The following NEAT1 variants were observed in gnomAD, a reference collection of about 807,000 sequenced individuals.
NEAT1 encodes MENepsilon/beta.
At chr11:65,425,828 G>A (rs1477849458) in exon 1 of NEAT1, 9 of 152,036 alleles carry the variant, frequency 5.9e-5, no homozygotes, top group Non-Finnish European at 1.0e-4. Context: ...TCAAATTGTA[G>A]TCTTTGTAAC....
chr11:65,433,104 C>T (rs1472518372), exon 1 of NEAT1: 1 of 151,770 alleles, frequency 6.6e-6, no homozygotes, highest in African/African-American at 2.4e-5. Flanking sequence ...TATCCACTCA[C>T]TGGTTGATGG....
Position 65,428,848 on chromosome 11 carries a change from TTACTG to T in NEAT1, n.6054_6058del, listed in dbSNP as rs1355131734. On this transcript the variant is annotated non_coding_transcript_exon_variant, in exon 1 of 1. Transcript: ENST00000501122. ...GTTCTAATATGTAAAAAAAAAAAGT[TTACTG>T]TAAAGTTTGCAAATAAGGAAATTTT... 1.0e-3 allele frequency: 157 copies of T among 152,250 alleles called. 1 individual carries two copies. The highest frequency in any genetic ancestry group is 3.6e-3 in the African/African-American group (149 of 41,550). 9.4% of individuals were successfully genotyped at this position (152,250 alleles called of 1,614,324 possible).
exon 1 of NEAT1, chr11:65,437,799 C>G (rs1369943857): frequency 6.6e-6 from 1 of 152,134 alleles, no homozygotes; most frequent in Non-Finnish European, 1.5e-5. Flanking sequence ...TACCCCATCA[C>G]AGAGTACTTT....
chr11:65,427,285 G>A (rs1856570961), exon 1 of NEAT1: 1 of 152,444 alleles, frequency 6.6e-6, no homozygotes, highest in African/African-American at 2.4e-5. Flanking sequence ...GTGCTGAGAA[G>A]GAAGGTGCTT....
exon 1 of NEAT1, chr11:65,431,905 G>T (rs2134896799): frequency 6.6e-6 from 1 of 152,254 alleles, no homozygotes; most frequent in Middle Eastern, 3.4e-3. Context: ...TTGATGTATA[G>T]AAGTTTTTAG....
chr11:65,426,808 G>C (rs1856566590), exon 1 of NEAT1: 1 of 152,196 alleles, frequency 6.6e-6, no homozygotes, highest in Non-Finnish European at 1.5e-5. Flanking sequence ...GGGTGTGTAG[G>C]TGGGGAGTAC....
At chr11:65,431,242 A>G (rs115169533) in exon 1 of NEAT1, 1 of 152,272 alleles carries the variant, frequency 6.6e-6, no homozygotes, top group African/African-American at 2.4e-5. Flanking sequence ...AGATCCAAAT[A>G]ATATTCTTAT....
chr11:65,432,331 A>G (rs1262725706), exon 1 of NEAT1: 2 of 152,230 alleles, frequency 1.3e-5, no homozygotes, highest in African/African-American at 4.8e-5. Flanking sequence ...TGGGAAGGCC[A>G]CATTTGCCAC....
At chr11:65,423,055 G>C (rs1856514517) in exon 1 of NEAT1, 1 of 152,322 alleles carries the variant, frequency 6.6e-6, no homozygotes, top group East Asian at 1.9e-4. Context: ...CTACTGCCTG[G>C]TGGAGGGGGA....
At chr11:65,433,580 C>T (rs977448104) in exon 1 of NEAT1, 10 of 152,046 alleles carry the variant, frequency 6.6e-5, no homozygotes, top group African/African-American at 2.4e-4. Context: ...TTACAATGAA[C>T]ACTCCTCTCC....
chr11:65,439,838 C>A (rs887749348), exon 1 of NEAT1: 1 of 152,118 alleles, frequency 6.6e-6, no homozygotes, highest in African/African-American at 2.4e-5. Context: ...CAGTTGGGTT[C>A]TTAATGTGAA....
chr11:65,443,227 A>G (rs923517086), exon 1 of NEAT1: 1 of 152,104 alleles, frequency 6.6e-6, no homozygotes, highest in Non-Finnish European at 1.5e-5. Context: ...AGTCTGCTCC[A>G]TGTGTTTTGA....
At chr11:65,424,365 T>G (rs188867102) in exon 1 of NEAT1, 1 of 152,210 alleles carries the variant, frequency 6.6e-6, no homozygotes, top group African/African-American at 2.4e-5. Context: ...CATACTAGTT[T>G]TGTGCTTGGA....
exon 1 of NEAT1, chr11:65,435,164 T>G (rs895621643): frequency 6.6e-6 from 1 of 152,162 alleles, no homozygotes; most frequent in East Asian, 1.9e-4. Context: ...ATGGCTAATG[T>G]TATTATATTA....
exon 1 of NEAT1, chr11:65,445,130 C>T (rs1449994408): frequency 6.6e-6 from 1 of 152,366 alleles, no homozygotes; most frequent in East Asian, 1.9e-4. Context: ...GTTTCCTAGA[C>T]TCACTCTGGA....
exon 1 of NEAT1, chr11:65,423,315 C>G (rs749229557): frequency 1.3e-5 from 2 of 152,378 alleles, no homozygotes; most frequent in Non-Finnish European, 2.9e-5. Flanking sequence ...GTGAACCCGC[C>G]TGGGGATGAG....
chr11:65,435,661 CTG>C (rs1416865020), exon 1 of NEAT1: 3 of 152,164 alleles, frequency 2.0e-5, no homozygotes, highest in Non-Finnish European at 2.9e-5. Context: ...GTTGGTGACA[CTG>C]TTTTGTGAGA....
At chr11:65,424,767 G>C (rs1390381910) in exon 1 of NEAT1, 1 of 152,184 alleles carries the variant, frequency 6.6e-6, no homozygotes, top group Non-Finnish European at 1.5e-5. Context: ...GGGTACACCG[G>C]TAGTGCTCTT....
chr11:65,427,122 C>G (rs543500558), exon 1 of NEAT1: 3 of 152,406 alleles, frequency 2.0e-5, no homozygotes, highest in Admixed American at 1.3e-4. Context: ...CACGTGGAAT[C>G]TGGAGGATAC....
Sources: allele counts gnomAD v4.1 joint callset, GRCh38; gene constraint gnomAD v4.1.1; transcripts MANE v1.5; gene names NCBI Gene and HGNC (gene_info 2026-07-23, HGNC 2026-07-21).